Variants in KIAA1217 observed in about 807,000 individuals in gnomAD.
KIAA1217 encodes the protein sickle tail protein homolog.
KIAA1217 carries 88 observed loss-of-function variants against 163.9 expected under a neutral mutation model. The ratio of observed to expected loss-of-function variants is 0.54; its 90% CI spans 0.45 to 0.64. KIAA1217 has a LOEUF of 0.64. Among genes scored for constraint, KIAA1217 ranks in the 30% least tolerant of loss-of-function variants. The pLI, the probability that KIAA1217 is intolerant of heterozygous loss-of-function variation, is 0.00. For synonymous variants in KIAA1217, 903 were observed against 923.1 expected (o/e 0.98, Z 0.39); for missense variants, 2,372 against 2,475.0 (o/e 0.96, Z 0.88).
rs80007939 is a variant in KIAA1217 at position 23,928,119 on chromosome 10, A to G, written c.-320-79106A>G. ...AGGCTTGGCTGGCTTTTGCCTAATC[A>G]TCAAGCATTTCAGTCCCTCTTTGAG... On this transcript the variant is annotated intron_variant, in intron 1 of 18. Coordinates refer to the KIAA1217 transcript ENST00000376462. Among the ~76,000 whole-genome samples the G allele has an allele frequency of 8.5e-5, 13 of 152,308 alleles. No individual in the cohort carries two copies. The East Asian group carries it at 2.5e-3, about 29-fold the overall frequency.
intron 2 of KIAA1217, among the ~76,000 whole-genome samples, chr10:24,333,540 C>G (rs1253410966): frequency 6.6e-6 from 1 of 152,142 alleles, no homozygotes; most frequent in African/African-American, 2.4e-5. Flanking sequence ...AGGTAGTGAG[C>G]TAAAAGCAGT....
intron 2 of KIAA1217, among the ~76,000 whole-genome samples, chr10:24,372,708 C>T (rs1476953800): frequency 6.6e-6 from 1 of 152,128 alleles, no homozygotes; most frequent in African/African-American, 2.4e-5. Context: ...AACTAATGCT[C>T]GCATTTGGCT....
At chr10:24,140,370 A>G (rs185312843) in intron 2 of KIAA1217, among the ~76,000 whole-genome samples, 1,930 of 152,194 alleles carry the variant, frequency 0.013, 26 homozygotes, top group Non-Finnish European at 0.018. Flanking sequence ...AAAAAAAAAA[A>G]AAAAAAGAAA....
intron 1 of KIAA1217, among the ~76,000 whole-genome samples, chr10:23,837,356 C>A (rs1200710462): frequency 6.6e-6 from 1 of 152,138 alleles, no homozygotes; most frequent in Non-Finnish European, 1.5e-5. Context: ...CAGTTCCCTG[C>A]CTTCTTCCCG....
chr10:23,927,509 A>G (rs1843074219), intron 1 of KIAA1217, among the ~76,000 whole-genome samples: 1 of 152,206 alleles, frequency 6.6e-6, no homozygotes, highest in Middle Eastern at 3.2e-3. Context: ...TCAAAATCAA[A>G]TTTTATTTTC....
At position 24,048,729 on chromosome 10, in the gene KIAA1217, C is replaced by CA. The variant is rs544352537; in HGVS notation, c.-171+41370dup. On this transcript the variant is annotated intron_variant, in intron 2 of 18. Transcript: ENST00000376462. Reference sequence around the variant, plus strand: ...TGGGTGACAGAGCAAGACTCTGTCTCAAAAAAAAAAAAAAATATATTGGCC... The same window carrying CA: ...TGGGTGACAGAGCAAGACTCTGTCTCAAAAAAAAAAAAAAAATATATTGGCC... Among the ~76,000 whole-genome samples, 551 of 127,874 alleles carry CA rather than the reference C, an allele frequency of 4.3e-3. 2 individuals carry two copies. The highest frequency in any genetic ancestry group is 9.6e-3 in the South Asian group (38 of 3,942). The allele number at this position is 127,874 out of a possible 152,430, so 83.9% of individuals were successfully genotyped here.
chr10:24,230,048 A>G (rs2071153383), intron 2 of KIAA1217, among the ~76,000 whole-genome samples: 1 of 152,178 alleles, frequency 6.6e-6, no homozygotes, highest in Non-Finnish European at 1.5e-5. Flanking sequence ...AAATATCCTT[A>G]TGCAAACTAT....
intron 1 of KIAA1217, among the ~76,000 whole-genome samples, chr10:23,913,852 A>G (rs534464251): frequency 7.2e-5 from 11 of 152,208 alleles, no homozygotes; most frequent in Admixed American, 3.9e-4. Context: ...AGAGCAGGGA[A>G]CTACTTCCTT....
chr10:23,827,075 C>A (rs552467056), intron 1 of KIAA1217, among the ~76,000 whole-genome samples: 1 of 152,226 alleles, frequency 6.6e-6, no homozygotes, highest in East Asian at 1.9e-4. Flanking sequence ...GAAAGTGAGG[C>A]AGAATTAAGT....
rs373633094 is a variant in KIAA1217, at chr10:24,239,241, C to T, written c.354+19332C>T. 6.0e-5 allele frequency: 59 copies of T among 985,268 alleles called. 3 individuals carry two copies. In the Admixed American group the frequency reaches 1.1e-3, roughly 18 times the overall value. 61.0% of individuals were successfully genotyped at this position (985,268 alleles called of 1,614,324 possible). ...GGAGGGGGGTTTTACCTGACAGCTCCGAAGGAAGACCCTGGAGTCCGTTCC... is the reference window on the plus strand; with the variant it reads ...GGAGGGGGGTTTTACCTGACAGCTCTGAAGGAAGACCCTGGAGTCCGTTCC... On this transcript the variant is annotated intron_variant, in intron 2 of 20. Transcript: ENST00000376454.
chr10:24,307,026 C>T (rs1313508291), intron 2 of KIAA1217, among the ~76,000 whole-genome samples: 1 of 152,200 alleles, frequency 6.6e-6, no homozygotes, highest in Admixed American at 6.5e-5. Context: ...TAGACTGTAG[C>T]CGTTTAATTA....
intron 1 of KIAA1217, among the ~76,000 whole-genome samples, chr10:23,804,311 G>A (rs772907895): frequency 6.6e-6 from 1 of 152,200 alleles, no homozygotes; most frequent in Non-Finnish European, 1.5e-5. Context: ...CAAGCCGTGA[G>A]TACATCTGTC....
At chr10:24,257,836 G>A (rs1012625272) in intron 2 of KIAA1217, among the ~76,000 whole-genome samples, 38 of 152,094 alleles carry the variant, frequency 2.5e-4, no homozygotes, top group African/African-American at 8.5e-4. Context: ...CAGTCCCAGC[G>A]ACTTGGGCAC....
chr10:24,204,765 G>A (rs2067455131), upstream of KIAA1217, among the ~76,000 whole-genome samples: 1 of 152,172 alleles, frequency 6.6e-6, no homozygotes, highest in Non-Finnish European at 1.5e-5. Flanking sequence ...GGATTGGAGA[G>A]CCCACATTTC....
At position 24,509,487 on chromosome 10, in the gene KIAA1217, T is replaced by C. The variant is rs371437608; in HGVS notation, c.2002-3772T>C. On this transcript the variant is annotated intron_variant, in intron 9 of 20. Transcript: ENST00000376454. ...TCCTCCTCTTCTAGTGGAGTAAGTC[T>C]AGTTGTGTTTAAACATTATGCCCCG... Among the ~76,000 whole-genome samples the C allele has an allele frequency of 4.3e-4, 66 of 152,336 alleles. 1 individual carries two copies. The highest frequency in any genetic ancestry group is 1.5e-3 in the African/African-American group (63 of 41,582).
At chr10:24,533,707 T>G (rs988091857) in intron 16 of KIAA1217, among the ~76,000 whole-genome samples, 17 of 152,250 alleles carry the variant, frequency 1.1e-4, no homozygotes, top group African/African-American at 4.1e-4. Context: ...ACCAGGTCCC[T>G]GTTCAATATC....
chr10:24,545,364 G>A, intron 20 of KIAA1217: 1 of 1,363,418 alleles, frequency 7.3e-7, no homozygotes, highest in Non-Finnish European at 9.4e-7. Flanking sequence ...CAGACCAGGT[G>A]GCTTTTCTTT....
chr10:23,940,738 G>A (rs1443166329), intron 1 of KIAA1217, among the ~76,000 whole-genome samples: 2 of 152,114 alleles, frequency 1.3e-5, no homozygotes, highest in Non-Finnish European at 1.5e-5. Flanking sequence ...ATCATACAAT[G>A]TATATTCTGT....
At chr10:24,018,044 G>A (rs1564613724) in intron 2 of KIAA1217, among the ~76,000 whole-genome samples, 1 of 152,012 alleles carries the variant, frequency 6.6e-6, no homozygotes, top group Non-Finnish European at 1.5e-5. Context: ...GTTTAAAGTG[G>A]CCTCAAGTTT....
Sources: gnomAD v4.1 joint callset for allele counts (sites outside exome capture counted in the v4.1 genomes callset) on GRCh38, gnomAD v4.1.1 for gene constraint, MANE v1.5 for transcripts, NCBI Gene and HGNC (gene_info 2026-07-23, HGNC 2026-07-21) for gene names.